ZNF469: variants seen among roughly 807,000 people sequenced by gnomAD.
ZNF469 encodes zinc finger protein 469.
ZNF469 carries 1 observed loss-of-function variant against 1.0 expected under a neutral mutation model. The ratio of observed to expected loss-of-function variants is 1.00; its 90% CI spans 0.35 to 4.73. The LOEUF is 4.73. Ranked by LOEUF, ZNF469 falls within the 30% of genes most tolerant of loss-of-function variation. The pLI is 0.16. For missense variants in ZNF469, 6,100 were observed against 5,356.3 expected, an observed-to-expected ratio of 1.14 and a Z score of -4.33; for synonymous variants, 2,703 against 2,363.4, an observed-to-expected ratio of 1.14 and a Z score of -4.17.
chr16:88,188,142 C>T, the ZNF469 span, among the ~76,000 whole-genome samples: 7 of 152,110 alleles, frequency 4.6e-5, no homozygotes, highest in African/African-American at 1.7e-4. Context: ...GTGCCGTGAC[C>T]CCTGCCTGGG....
chr16:88,379,977 C>A (rs566815834), upstream of ZNF469, among the ~76,000 whole-genome samples: 2 of 152,276 alleles, frequency 1.3e-5, no homozygotes, highest in African/African-American at 4.8e-5. Flanking sequence ...TCTGTCATTT[C>A]TCACGCCCAG....
chr16:88,372,010 A>ATCG, the ZNF469 span, among the ~76,000 whole-genome samples: 1 of 143,956 alleles, frequency 6.9e-6, no homozygotes, highest in Non-Finnish European at 1.5e-5. Flanking sequence ...CATCACCATC[A>ATCG]TCACCATCAC....
At chr16:88,410,104 G>A (rs967301835) in intron 1 of ZNF469, among the ~76,000 whole-genome samples, 2 of 151,978 alleles carry the variant, frequency 1.3e-5, no homozygotes, top group East Asian at 3.9e-4. Flanking sequence ...TGGGGGTGGG[G>A]GAAGGAAGGT....
the ZNF469 span, among the ~76,000 whole-genome samples, chr16:88,332,850 C>T: frequency 1.3e-5 from 2 of 152,210 alleles, no homozygotes; most frequent in African/African-American, 2.4e-5. Flanking sequence ...GTTTCACAGA[C>T]GAGAAGACCA....
At chr16:88,269,840 C>T in the ZNF469 span, among the ~76,000 whole-genome samples, 3 of 152,246 alleles carry the variant, frequency 2.0e-5, no homozygotes, top group Admixed American at 1.3e-4. Flanking sequence ...AGTGTCCCCA[C>T]CTTTTCTGAG....
At chr16:88,229,638 T>TGTGGATGTAAAGC in the ZNF469 span, among the ~76,000 whole-genome samples, 1 of 133,074 alleles carries the variant, frequency 7.5e-6, no homozygotes, top group Non-Finnish European at 1.6e-5. Flanking sequence ...GGATGTCACG[T>TGTGGATGTAAAGC]GTGTGTGCTG....
the ZNF469 span, among the ~76,000 whole-genome samples, chr16:88,370,506 G>A: frequency 1.3e-5 from 2 of 152,192 alleles, no homozygotes; most frequent in Non-Finnish European, 2.9e-5. Context: ...TTGGACGATC[G>A]GCTAAGGAAT....
intron 1 of ZNF469, among the ~76,000 whole-genome samples, chr16:88,420,957 G>A (rs1052201191): frequency 6.6e-6 from 1 of 152,012 alleles, no homozygotes; most frequent in Non-Finnish European, 1.5e-5. Flanking sequence ...GAAGGGAAAC[G>A]GGAGGGGCAA....
the ZNF469 span, among the ~76,000 whole-genome samples, chr16:88,129,962 G>C: frequency 6.6e-6 from 1 of 152,256 alleles, no homozygotes; most frequent in Non-Finnish European, 1.5e-5. Context: ...AAAGTTACCA[G>C]TTTCAGACTC....
At chr16:88,222,764 A>C in the ZNF469 span, among the ~76,000 whole-genome samples, 1 of 151,674 alleles carries the variant, frequency 6.6e-6, no homozygotes, top group African/African-American at 2.4e-5. Flanking sequence ...TCCCGAAAAA[A>C]AAAAACAAAA....
At chr16:88,384,905 C>A (rs547112580) in intron 1 of ZNF469, among the ~76,000 whole-genome samples, 19 of 152,254 alleles carry the variant, frequency 1.2e-4, no homozygotes, top group Non-Finnish European at 2.2e-4. Context: ...GAACTCACTC[C>A]CCATCACAGC....
chr16:88,341,772 G>T, the ZNF469 span, among the ~76,000 whole-genome samples: 3 of 152,176 alleles, frequency 2.0e-5, no homozygotes, highest in Non-Finnish European at 2.9e-5. Context: ...AGGGTGTGCA[G>T]GGGAGGATGG....
At chr16:88,411,323 G>A (rs867890545) in intron 1 of ZNF469, among the ~76,000 whole-genome samples, 120 of 152,218 alleles carry the variant, frequency 7.9e-4, no homozygotes, top group Admixed American at 4.6e-3. Flanking sequence ...CATCTGGGCC[G>A]AGGCCTCCAG....
At chr16:88,389,334 C>G (rs187892844) in intron 1 of ZNF469, among the ~76,000 whole-genome samples, 41 of 152,242 alleles carry the variant, frequency 2.7e-4, no homozygotes, top group Non-Finnish European at 4.7e-4. Context: ...CGGGAGTCGG[C>G]GCTTCCTTCG....
the ZNF469 span, among the ~76,000 whole-genome samples, chr16:88,117,716 G>T: frequency 6.6e-6 from 1 of 152,244 alleles, no homozygotes; most frequent in Admixed American, 6.5e-5. Context: ...TTTTCCTGGG[G>T]AAGGGCTTGA....
chr16:88,406,014 A>T (rs1905019546), intron 1 of ZNF469, among the ~76,000 whole-genome samples: 1 of 152,190 alleles, frequency 6.6e-6, no homozygotes, highest in Non-Finnish European at 1.5e-5. Flanking sequence ...ATTAATTAAA[A>T]CCAGCTGAGA....
the ZNF469 span, among the ~76,000 whole-genome samples, chr16:88,240,998 G>A: frequency 6.6e-5 from 10 of 152,108 alleles, no homozygotes; most frequent in African/African-American, 1.4e-4. Flanking sequence ...CAGGAGGGCC[G>A]CCCACACCAT....
At chr16:88,211,447 C>G in the ZNF469 span, among the ~76,000 whole-genome samples, 1 of 152,240 alleles carries the variant, frequency 6.6e-6, no homozygotes, top group East Asian at 1.9e-4. Flanking sequence ...TCGATACAAA[C>G]TGGGGGTCAC....
At chr16:88,128,390 A>T in the ZNF469 span, among the ~76,000 whole-genome samples, 1 of 152,152 alleles carries the variant, frequency 6.6e-6, no homozygotes, top group Non-Finnish European at 1.5e-5. Context: ...TAAAATATGA[A>T]AATGATGTTC....
Sources: allele counts gnomAD v4.1 joint callset (sites outside exome capture counted in the v4.1 genomes callset), GRCh38; gene constraint gnomAD v4.1.1; transcripts MANE v1.5; gene names NCBI Gene and HGNC (gene_info 2026-07-23, HGNC 2026-07-21).